The following SZRD1 variants were observed in gnomAD, a reference collection of about 807,000 sequenced individuals.
SZRD1 encodes SUZ RNA-binding domain-containing.
In SZRD1, 7 loss-of-function variants were observed where a neutral mutation model predicts 17.6. The ratio of observed to expected loss-of-function variants is 0.40; its 90% CI spans 0.23 to 0.75. The LOEUF is 0.75. Ranked by LOEUF, SZRD1 falls within the 30% of genes least tolerant of loss-of-function variation. SZRD1 has a pLI of 0.38. For missense variants in SZRD1, 178 were observed against 201.8 expected, an observed-to-expected ratio of 0.88 and a Z score of 0.71; for synonymous variants, 77 against 77.9, an observed-to-expected ratio of 0.99 and a Z score of 0.06.
intron 3 of SZRD1, among the ~76,000 whole-genome samples, chr1:16,394,800 C>G (rs1181743610): frequency 1.3e-5 from 2 of 152,042 alleles, no homozygotes; most frequent in Non-Finnish European, 2.9e-5. Context: ...ACTAAAATTA[C>G]AAAAATTAGC....
At chr1:16,372,741 C>T (rs1409286773) in intron 1 of SZRD1, among the ~76,000 whole-genome samples, 3 of 152,114 alleles carry the variant, frequency 2.0e-5, no homozygotes, top group Non-Finnish European at 4.4e-5. Flanking sequence ...CCCCATGAGC[C>T]AGTTATCCAA....
intron 1 of SZRD1, among the ~76,000 whole-genome samples, chr1:16,386,229 T>C (rs1486028309): frequency 2.0e-5 from 3 of 152,246 alleles, no homozygotes; most frequent in Non-Finnish European, 4.4e-5. Context: ...GCACTTGCCT[T>C]GTGCCCACTC....
At chr1:16,384,226 A>G (rs1226991513) in intron 1 of SZRD1, among the ~76,000 whole-genome samples, 1 of 152,128 alleles carries the variant, frequency 6.6e-6, no homozygotes, top group Non-Finnish European at 1.5e-5. Context: ...GGAGAAGTCC[A>G]TGGATTGTAC....
At chr1:16,392,250 G>A (rs1557631497) in intron 2 of SZRD1, among the ~76,000 whole-genome samples, 1 of 152,128 alleles carries the variant, frequency 6.6e-6, no homozygotes, top group Non-Finnish European at 1.5e-5. Flanking sequence ...CCCTGGCTCA[G>A]TTCCTCCAAT....
chr1:16,369,902 A>AC lies in SZRD1; in HGVS notation c.51+2594_51+2595insC, dbSNP rs201510577. Reference sequence around the variant, plus strand: ...GAAACTCCATCAAAAAAAAAAACAAAAAAAAAAAACTACAGAGGTGGAACA... The same window carrying AC: ...GAAACTCCATCAAAAAAAAAAACAAACAAAAAAAAACTACAGAGGTGGAACA... On this transcript the variant is annotated intron_variant, in intron 1 of 3. Transcript: ENST00000401088. 7.9e-3 allele frequency among the ~76,000 whole-genome samples: 1,192 copies of AC among 151,746 alleles called. 12 individuals carry two copies. Among genetic ancestry groups the AC allele is most frequent in the African/African-American group, 0.027 (1,112 of 41,386 alleles).
intron 1 of SZRD1, among the ~76,000 whole-genome samples, chr1:16,379,635 C>T (rs2083061616): frequency 6.6e-6 from 1 of 152,152 alleles, no homozygotes; most frequent in African/African-American, 2.4e-5. Context: ...CAGATAGATC[C>T]AGTTCAAATT....
Position 16,393,166 on chromosome 1 carries a change from A to T in SZRD1, c.102-62A>T. The T allele has an allele frequency of 6.3e-7, 1 of 1,582,676 alleles. No homozygotes were observed. The highest frequency in any genetic ancestry group is 8.6e-7 in the Non-Finnish European group (1 of 1,158,976). On this transcript the variant is annotated intron_variant, in intron 2 of 3. Transcript: ENST00000401088. The surrounding 1 kb of genome is among the most constrained non-coding windows in gnomAD (Gnocchi z 5.6). ...GAAAGTGATGAGAGGTGGGTGTGGG[A>T]CATGGACAGGGCCTCCTTAGTCAGG...
In SZRD1 at chr1:16,396,002, TTCCCC is replaced by T. The variant is rs2085305751; in HGVS notation, c.*864_*868del. ...TGGGAGATAGGGAAAGTGAACCGAC[TTCCCC>T]TTCCCATACCCCTCAGGGTGGTTCC... On this transcript the variant is annotated 3_prime_UTR_variant, in exon 4 of 4. Transcript: ENST00000401088. The T allele has an allele frequency of 6.6e-6, 1 of 152,644 alleles. No homozygotes were observed. Among genetic ancestry groups the T allele is most frequent in the Admixed American group, 6.5e-5 (1 of 15,276 alleles). The allele number at this position is 152,644 out of a possible 1,614,324, so 9.5% of individuals were successfully genotyped here. A position where few individuals can be genotyped will look rare whatever the true frequency, so the allele number is the denominator to read the frequency against.
At chr1:16,375,397 C>T (rs1014665311) in intron 1 of SZRD1, among the ~76,000 whole-genome samples, 2 of 152,206 alleles carry the variant, frequency 1.3e-5, no homozygotes, top group African/African-American at 2.4e-5. Context: ...CTCACTGAAC[C>T]TCTGCCTTCC....
chr1:16,376,568 G>A (rs577992462), intron 1 of SZRD1, among the ~76,000 whole-genome samples: 1 of 152,050 alleles, frequency 6.6e-6, no homozygotes, highest in African/African-American at 2.4e-5. Context: ...CACTTTGGGG[G>A]GCCGAGGCAG....
At chr1:16,370,539 A>ATT (rs145501722) in intron 1 of SZRD1, among the ~76,000 whole-genome samples, 11 of 138,190 alleles carry the variant, frequency 8.0e-5, no homozygotes, top group Non-Finnish European at 1.2e-4. Context: ...TTTTTTTTTA[A>ATT]TTTTTTTTTT....
rs578144350 is a variant in SZRD1, at chr1:16,398,054, C to G, written c.*2914C>G. The G allele has an allele frequency of 1.1e-6, 1 of 888,468 alleles. No individual in the cohort carries two copies. Among genetic ancestry groups the G allele is most frequent in the African/African-American group, 1.8e-5 (1 of 55,146 alleles). 55.0% of individuals were successfully genotyped at this position (888,468 alleles called of 1,614,324 possible). On this transcript the variant is annotated 3_prime_UTR_variant, in exon 4 of 4. Transcript: ENST00000401088. Reference sequence around the variant, plus strand: ...CTCTGCTGGTGTAGCGGGCAGCTGCCCACTCCCACCCCACCCTGCACCGCG... The same window carrying G: ...CTCTGCTGGTGTAGCGGGCAGCTGCGCACTCCCACCCCACCCTGCACCGCG...
rs1248056888 is a variant in SZRD1, at chr1:16,393,002, G to C, written c.102-226G>C. ...TTCCAGCCCCTGTGGCCAGGGGTTA[G>C]GGCTGAGGAGCAGTTCCTGTGGCCT... On this transcript the variant is annotated intron_variant, in intron 2 of 3. Coordinates refer to ENST00000401088, the MANE Select transcript of SZRD1 (RefSeq NM_001114600.3). This position sits in a 1 kb window ranked among gnomAD's most constrained non-coding sequence, Gnocchi z 5.6. 6.6e-6 allele frequency among the ~76,000 whole-genome samples: 1 copy of C among 152,218 alleles called. No homozygotes were observed. Among genetic ancestry groups the C allele is most frequent in the Non-Finnish European group, 1.5e-5 (1 of 68,040 alleles).
chr1:16,394,202 A>G (rs1009441772), intron 3 of SZRD1, among the ~76,000 whole-genome samples: 1 of 152,146 alleles, frequency 6.6e-6, no homozygotes, highest in Non-Finnish European at 1.5e-5. Flanking sequence ...CTAGCTCTTC[A>G]TAATTTTGAA....
intron 1 of SZRD1, among the ~76,000 whole-genome samples, chr1:16,379,552 T>G (rs1413579535): frequency 2.6e-5 from 4 of 152,182 alleles, no homozygotes; most frequent in Non-Finnish European, 5.9e-5. Flanking sequence ...AATACCTGTT[T>G]TTTGCCAAGA....
Position 16,395,208 on chromosome 1 carries a change from A to G in SZRD1, c.*68A>G, listed in dbSNP as rs577519030. On this transcript the variant is annotated 3_prime_UTR_variant, in exon 4 of 4. Transcript: ENST00000401088. ...TCCTGGGTCGTCCGCCACGGGTTGCACTGCCGTGGCAGACAGCTGGACTTG... is the reference window on the plus strand; with the variant it reads ...TCCTGGGTCGTCCGCCACGGGTTGCGCTGCCGTGGCAGACAGCTGGACTTG... 1.8e-5 allele frequency: 20 copies of G among 1,117,496 alleles called. No individual in the cohort carries two copies. The highest frequency in any genetic ancestry group is 1.7e-4 in the African/African-American group (11 of 65,752). 69.2% of individuals were successfully genotyped at this position (1,117,496 alleles called of 1,614,324 possible).
chr1:16,377,875 G>A (rs1161888515), intron 1 of SZRD1, among the ~76,000 whole-genome samples: 1 of 152,186 alleles, frequency 6.6e-6, no homozygotes, highest in Non-Finnish European at 1.5e-5. Flanking sequence ...CACTCACAGT[G>A]TAGCCTCTAT....
chr1:16,389,780 C>T lies in SZRD1; in HGVS notation c.52-1595C>T, dbSNP rs779191800. Among the ~76,000 whole-genome samples the T allele has an allele frequency of 3.5e-4, 53 of 152,198 alleles. 1 individual carries two copies. The highest frequency in any genetic ancestry group is 2.1e-4 in the South Asian group (1 of 4,824). ...ATTTTCAGAACATACAGAGCACTTA[C>T]GAAAATGGCCTACATGCTGAGCCAT... On this transcript the variant is annotated intron_variant, in intron 1 of 3. Coordinates refer to ENST00000401088, the MANE Select transcript of SZRD1 (RefSeq NM_001114600.3).
intron 1 of SZRD1, among the ~76,000 whole-genome samples, chr1:16,373,883 G>A (rs1241845328): frequency 1.3e-5 from 2 of 152,060 alleles, no homozygotes; most frequent in Admixed American, 6.6e-5. Context: ...GATTGCAGGC[G>A]TGAGCCACCA....
Sources: allele counts gnomAD v4.1 joint callset (sites outside exome capture counted in the v4.1 genomes callset), GRCh38; gene constraint gnomAD v4.1.1; non-coding constraint Gnocchi (gnomAD v3.1); transcripts MANE v1.5; gene names NCBI Gene and HGNC (gene_info 2026-07-23, HGNC 2026-07-21).